PTPRG: variants seen among roughly 807,000 people sequenced by gnomAD.
PTPRG encodes the protein receptor-type tyrosine-protein phosphatase gamma.
Under a neutral mutation model 165.3 loss-of-function variants are expected in PTPRG, and 102 were observed. The observed-to-expected ratio is 0.62, with a 90% CI of 0.53 to 0.73. The LOEUF is 0.73. PTPRG is among the 30% of genes least tolerant of loss of function. The probability of loss-of-function intolerance (pLI) is 0.00; values close to 1 mark genes in which losing one functional copy is unlikely to be tolerated. For synonymous variants in PTPRG, 675 were observed against 669.5 expected (o/e 1.01, Z -0.13); for missense variants, 1,866 against 1,861.4 (o/e 1.00, Z -0.05).
chr3:61,917,388 A>T (rs112387443), intron 2 of PTPRG, among the ~76,000 whole-genome samples: 3 of 152,132 alleles, frequency 2.0e-5, no homozygotes, highest in African/African-American at 4.8e-5. Context: ...AGCGGTGAAC[A>T]TGCCACGTTG....
chr3:62,278,047 AACTGTGTTT>A (rs1192986749), intron 26 of PTPRG, among the ~76,000 whole-genome samples: 1 of 152,116 alleles, frequency 6.6e-6, no homozygotes, highest in African/African-American at 2.4e-5. Flanking sequence ...CTGAGTATGT[AACTGTGTTT>A]ACATGCATTA....
intron 4 of PTPRG, among the ~76,000 whole-genome samples, chr3:62,056,740 G>T (rs889850170): frequency 1.4e-4 from 21 of 152,316 alleles, no homozygotes; most frequent in African/African-American, 5.1e-4. Flanking sequence ...TGCAGTTTGA[G>T]AACCACTGGT....
At chr3:61,586,723 C>A (rs1700444389) in intron 1 of PTPRG, among the ~76,000 whole-genome samples, 1 of 152,178 alleles carries the variant, frequency 6.6e-6, no homozygotes, top group Non-Finnish European at 1.5e-5. Context: ...TCCCTTCGGT[C>A]TGGATGTCCC....
intron 1 of PTPRG, among the ~76,000 whole-genome samples, chr3:61,605,216 G>A (rs1700969682): frequency 6.6e-6 from 1 of 151,986 alleles, no homozygotes; most frequent in African/African-American, 2.4e-5. Context: ...GTTAGGGGTG[G>A]GTTGTGACTT....
At chr3:62,037,743 G>T (rs909147344) in intron 4 of PTPRG, among the ~76,000 whole-genome samples, 23 of 152,246 alleles carry the variant, frequency 1.5e-4, no homozygotes, top group African/African-American at 5.3e-4. Flanking sequence ...TGAGGTGAGG[G>T]CTGGAAAGGC....
At chr3:61,821,772 T>A (rs2035965441) in intron 2 of PTPRG, among the ~76,000 whole-genome samples, 1 of 152,224 alleles carries the variant, frequency 6.6e-6, no homozygotes, top group Admixed American at 6.5e-5. Context: ...TGATAATGAT[T>A]GAGAACATCC....
chr3:61,800,850 G>C (rs2035207939), intron 2 of PTPRG, among the ~76,000 whole-genome samples: 1 of 152,076 alleles, frequency 6.6e-6, no homozygotes, highest in Admixed American at 6.5e-5. Flanking sequence ...CGCCATGTTT[G>C]TCAGGCTGGT....
rs1700831562 is a variant in PTPRG, at chr3:62,228,979, C to T, written c.2289-2246C>T. ...GTGTGCCATTCTTTTCTTTTTGGAA[C>T]CCATATCTGTGGCCATATTTCAAGA... On this transcript the variant is annotated intron_variant, in intron 13 of 29. Transcript: ENST00000474889. The surrounding 1 kb of genome is among the most constrained non-coding windows in gnomAD (Gnocchi z 4.1). Among the ~76,000 whole-genome samples, 1 of 152,042 alleles carries T rather than the reference C, an allele frequency of 6.6e-6. No homozygotes were observed. The highest frequency in any genetic ancestry group is 2.1e-4 in the South Asian group (1 of 4,824).
intron 1 of PTPRG, among the ~76,000 whole-genome samples, chr3:61,600,186 ATATATATG>A (rs1307641456): frequency 2.8e-4 from 32 of 116,052 alleles, no homozygotes; most frequent in African/African-American, 8.2e-4. Flanking sequence ...ATATATATAT[ATATATATG>A]TGTGTGTGTG....
rs140076425 is a variant in PTPRG, at chr3:62,022,963, T to C, written c.519+19466T>C. On this transcript the variant is annotated intron_variant, in intron 4 of 29. Coordinates refer to ENST00000474889, the MANE Select transcript of PTPRG (RefSeq NM_002841.4). ...TATTTTAAAATTTGTTCTTCAATTG[T>C]CTTATTGCGTGTTTATTAAAACAAT... 8.5e-4 allele frequency among the ~76,000 whole-genome samples: 129 copies of C among 152,256 alleles called. No individual in the cohort carries two copies. In the East Asian group the frequency reaches 0.019, roughly 22 times the overall value.
chr3:62,265,917 A>ACACACACACACACACACACG (rs1701858523), intron 17 of PTPRG, among the ~76,000 whole-genome samples: 1 of 151,344 alleles, frequency 6.6e-6, no homozygotes, highest in African/African-American at 2.4e-5. Flanking sequence ...ACACACACAC[A>ACACACACACACACACACACG]CACACACACC....
intron 15 of PTPRG, among the ~76,000 whole-genome samples, chr3:62,249,721 T>C (rs1189964195): frequency 6.6e-6 from 1 of 152,206 alleles, no homozygotes; most frequent in Non-Finnish European, 1.5e-5. Flanking sequence ...TAACAATTTA[T>C]CTACCTGGCA....
intron 28 of PTPRG, 34 bp downstream of exon 28, chr3:62,282,903 C>T: frequency 6.4e-7 from 1 of 1,562,834 alleles, no homozygotes; most frequent in East Asian, 2.3e-5. Flanking sequence ...AAAATGTAGA[C>T]CGTTTTTTTG....
chr3:62,209,736 T>A (rs1700313532), intron 12 of PTPRG, among the ~76,000 whole-genome samples: 1 of 152,240 alleles, frequency 6.6e-6, no homozygotes, highest in Admixed American at 6.5e-5. Flanking sequence ...CAGTATGGTT[T>A]AGTTTCTTCT....
At chr3:61,669,125 T>C (rs978810768) in intron 1 of PTPRG, among the ~76,000 whole-genome samples, 3 of 152,212 alleles carry the variant, frequency 2.0e-5, no homozygotes, top group Non-Finnish European at 4.4e-5. Context: ...GCTGCGCTGC[T>C]CTCTAGGATT....
intron 6 of PTPRG, among the ~76,000 whole-genome samples, chr3:62,151,615 T>C (rs1421098607): frequency 1.3e-5 from 2 of 151,278 alleles, no homozygotes; most frequent in Non-Finnish European, 2.9e-5. Flanking sequence ...TTCAATTCTT[T>C]TATCTAGTAA....
intron 2 of PTPRG, among the ~76,000 whole-genome samples, chr3:61,895,604 C>G (rs1053893637): frequency 1.3e-5 from 2 of 152,192 alleles, no homozygotes; most frequent in African/African-American, 4.8e-5. Context: ...TTGAAAGTAT[C>G]ACCAGGAGGG....
intron 1 of PTPRG, among the ~76,000 whole-genome samples, chr3:61,679,014 T>C (rs1703334767): frequency 1.3e-5 from 2 of 152,056 alleles, no homozygotes; most frequent in Non-Finnish European, 2.9e-5. Flanking sequence ...TAAGTTAAGT[T>C]TATTTGACTA....
chr3:61,991,812 C>T (rs559229044), intron 3 of PTPRG, among the ~76,000 whole-genome samples: 7 of 152,280 alleles, frequency 4.6e-5, no homozygotes, highest in South Asian at 2.1e-4. Context: ...TGACAGCCTT[C>T]GGCAAAGATA....
Sources: allele counts gnomAD v4.1 joint callset (sites outside exome capture counted in the v4.1 genomes callset), GRCh38; gene constraint gnomAD v4.1.1; non-coding constraint Gnocchi (gnomAD v3.1); transcripts MANE v1.5; gene names NCBI Gene and HGNC (gene_info 2026-07-23, HGNC 2026-07-21).